RPTOR: variants seen among roughly 807,000 people sequenced by gnomAD.
RPTOR encodes the protein regulatory associated protein of MTOR complex 1, also known as regulatory-associated protein of mTOR.
RPTOR carries 21 observed loss-of-function variants against 169.9 expected under a neutral mutation model. The observed-to-expected ratio is 0.12, with a 90% CI of 0.09 to 0.18. The LOEUF (loss-of-function observed/expected upper bound fraction) is 0.18. Among genes scored for constraint, RPTOR ranks in the 10% least tolerant of loss-of-function variants. The probability of loss-of-function intolerance (pLI) is 1.00; values close to 1 mark genes in which losing one functional copy is unlikely to be tolerated. For missense variants in RPTOR, 1,133 were observed against 1,855.9 expected, an observed-to-expected ratio of 0.61 and a Z score of 7.16; for synonymous variants, 732 against 753.2, an observed-to-expected ratio of 0.97 and a Z score of 0.46.
chr17:80,577,062 G>A (rs2064970341), intron 1 of RPTOR, among the ~76,000 whole-genome samples: 1 of 142,708 alleles, frequency 7.0e-6, no homozygotes, highest in African/African-American at 2.6e-5. Flanking sequence ...ATGAAGCTTC[G>A]CTCTTTTTGC....
intron 2 of RPTOR, among the ~76,000 whole-genome samples, chr17:80,626,489 ACATAATGGATCATGGCC>A (rs973654695): frequency 2.0e-5 from 3 of 152,162 alleles, no homozygotes; most frequent in African/African-American, 4.8e-5. Flanking sequence ...GCAAAGCATC[ACATAATGGATCATGGCC>A]CATAATAATA....
intron 2 of RPTOR, among the ~76,000 whole-genome samples, chr17:80,634,694 C>CGTGTGCGTACTGTGT (rs1411358331): frequency 8.1e-4 from 18 of 22,260 alleles, no homozygotes; most frequent in Admixed American, 2.5e-3. Context: ...GTACTGTGTG[C>CGTGTGCGTACTGTGT]GTGTGCGTAC....
In RPTOR at chr17:80,801,124, G is replaced by A. The variant is rs376461958; in HGVS notation, c.890+9615G>A. 1.2e-4 allele frequency among the ~76,000 whole-genome samples: 19 copies of A among 152,314 alleles called. No homozygotes were observed. In the East Asian group the frequency reaches 3.3e-3, roughly 26 times the overall value. ...GGACTTCCGTCTCATCTGAGCCTGG[G>A]GATGCAGTGCAGAAAATGTAAGGAG... On this transcript the variant is annotated intron_variant, in intron 7 of 33. Coordinates refer to ENST00000306801, the MANE Select transcript of RPTOR (RefSeq NM_020761.3).
intron 20 of RPTOR, among the ~76,000 whole-genome samples, chr17:80,904,429 G>A (rs565340181): frequency 1.3e-5 from 2 of 152,278 alleles, no homozygotes; most frequent in Admixed American, 6.5e-5. Flanking sequence ...TCCGACAGCC[G>A]GGGAGCTTCT....
At chr17:80,639,516 C>G (rs1019468165) in intron 2 of RPTOR, among the ~76,000 whole-genome samples, 2 of 152,046 alleles carry the variant, frequency 1.3e-5, no homozygotes, top group African/African-American at 2.4e-5. Flanking sequence ...CTTTGGGTCC[C>G]CTCCCCCAGC....
Position 80,922,820 on chromosome 17 carries a change from C to T in RPTOR, c.2617C>T (p.Gln873Ter). The T allele has an allele frequency of 6.4e-7, 1 of 1,568,950 alleles. No individual in the cohort carries two copies. The change falls in exon 22 of 34, where the codon CAG (glutamine) becomes TAG (stop). Residue 873 changes from glutamine to a stop codon, truncating the protein, a stop_gained. Coordinates refer to ENST00000306801, the MANE Select transcript of RPTOR (RefSeq NM_020761.3). LOFTEE classifies it high-confidence loss of function. ...CACCAACAAGGGCGTGCACATCCAC[C>T]AGGCGGGGTAAGTGCCGCCCGCTCA... is the stretch of plus-strand genomic sequence containing the variant. ...SPTNKGVHIH[Q>*]AGGSPPASST...
intron 11 of RPTOR, among the ~76,000 whole-genome samples, chr17:80,851,479 G>A (rs988302752): frequency 1.4e-5 from 2 of 138,652 alleles, no homozygotes; most frequent in African/African-American, 5.6e-5. Flanking sequence ...AAAGGTGGCA[G>A]GAAGATGATG....
intron 24 of RPTOR, among the ~76,000 whole-genome samples, chr17:80,937,997 C>T (rs1381217037): frequency 6.6e-6 from 1 of 152,246 alleles, no homozygotes; most frequent in Admixed American, 6.5e-5. Context: ...CTTCCCAGCC[C>T]AGCAAGGGCT....
intron 6 of RPTOR, among the ~76,000 whole-genome samples, chr17:80,770,249 G>T (rs1416029789): frequency 2.6e-5 from 4 of 152,210 alleles, no homozygotes; most frequent in Non-Finnish European, 5.9e-5. Flanking sequence ...TCCCACTCAG[G>T]ATGGCGGAGC....
intron 1 of RPTOR, among the ~76,000 whole-genome samples, chr17:80,622,888 G>C (rs2065365030): frequency 6.6e-6 from 1 of 152,182 alleles, no homozygotes; most frequent in African/African-American, 2.4e-5. Flanking sequence ...GGGTGACAGA[G>C]TGAGACCCCA....
intron 3 of RPTOR, among the ~76,000 whole-genome samples, chr17:80,682,839 C>G (rs1378114843): frequency 6.6e-6 from 1 of 152,040 alleles, no homozygotes; most frequent in Non-Finnish European, 1.5e-5. Context: ...CTGTGTTCCC[C>G]AGGCTGGAGT....
chr17:80,682,808 A>G (rs2065908553), intron 3 of RPTOR, among the ~76,000 whole-genome samples: 1 of 152,052 alleles, frequency 6.6e-6, no homozygotes, highest in African/African-American at 2.4e-5. Flanking sequence ...TTTTCTTAAA[A>G]AAAAGAAAAA....
intron 21 of RPTOR, among the ~76,000 whole-genome samples, chr17:80,920,604 G>A (rs757019658): frequency 1.3e-5 from 2 of 152,264 alleles, no homozygotes; most frequent in African/African-American, 2.4e-5. Flanking sequence ...GGGCGCTTCC[G>A]TGCAGGGTGG....
chr17:80,565,158 A>G (rs2084564071), intron 1 of RPTOR, among the ~76,000 whole-genome samples: 1 of 152,160 alleles, frequency 6.6e-6, no homozygotes, highest in African/African-American at 2.4e-5. Flanking sequence ...ATGCTTGCCA[A>G]TACCTGGAAC....
At chr17:80,629,342 C>T (rs56209503) in intron 2 of RPTOR, among the ~76,000 whole-genome samples, 26,938 of 94,864 alleles carry the variant, frequency 0.28, 3,020 homozygotes, top group Middle Eastern at 0.38. Context: ...TGTATTGTGT[C>T]GTTGGACATT....
chr17:80,903,013 C>T (rs930672224), intron 20 of RPTOR, among the ~76,000 whole-genome samples: 1 of 152,230 alleles, frequency 6.6e-6, no homozygotes, highest in South Asian at 2.1e-4. Flanking sequence ...GAGGCCTGGG[C>T]TAGATGGGAC....
chr17:80,642,205 C>T (rs946195273), intron 2 of RPTOR, among the ~76,000 whole-genome samples: 18 of 151,922 alleles, frequency 1.2e-4, no homozygotes, highest in African/African-American at 3.9e-4. Context: ...GGCGTGATCT[C>T]GGCTCACTGC....
intron 1 of RPTOR, among the ~76,000 whole-genome samples, chr17:80,571,909 A>G (rs1469611760): frequency 2.6e-5 from 4 of 152,208 alleles, no homozygotes; most frequent in Non-Finnish European, 5.9e-5. Context: ...TCAGTATCGT[A>G]TTGATAAGAA....
chr17:80,664,572 C>A (rs2065749565), intron 3 of RPTOR, among the ~76,000 whole-genome samples: 1 of 152,122 alleles, frequency 6.6e-6, no homozygotes, highest in Non-Finnish European at 1.5e-5. Flanking sequence ...TCTCCTCCTG[C>A]CTCTCTTTCC....
Sources: allele counts gnomAD v4.1 joint callset (sites outside exome capture counted in the v4.1 genomes callset), GRCh38; gene constraint gnomAD v4.1.1; transcripts MANE v1.5; gene names NCBI Gene and HGNC (gene_info 2026-07-23, HGNC 2026-07-21).